C6orf89: variants seen among roughly 807,000 people sequenced by gnomAD.
C6orf89 encodes the protein bombesin receptor-activated protein C6orf89.
Under a neutral mutation model 40.7 loss-of-function variants are expected in C6orf89, and 29 were observed. The ratio of observed to expected loss-of-function variants is 0.71; its 90% CI spans 0.53 to 0.97. C6orf89 has a LOEUF of 0.97. Among genes scored for constraint, C6orf89 ranks in the 50% least tolerant of loss-of-function variants. The pLI, the probability that C6orf89 is intolerant of heterozygous loss-of-function variation, is 0.00. For missense variants in C6orf89, 392 were observed against 429.1 expected (o/e 0.91, Z 0.76); for synonymous variants, 165 against 152.2 (o/e 1.08, Z -0.62).
At chr6:36,879,689 G>C (rs1774751573) in intron 2 of C6orf89, among the ~76,000 whole-genome samples, 1 of 151,988 alleles carries the variant, frequency 6.6e-6, no homozygotes. Context: ...ACGGGCTTAG[G>C]ACCCCACAAG....
chr6:36,884,217 G>A (rs1390098264), upstream of C6orf89, among the ~76,000 whole-genome samples: 2 of 152,164 alleles, frequency 1.3e-5, no homozygotes, highest in African/African-American at 2.4e-5. The surrounding 1 kb of genome is among the most constrained non-coding windows in gnomAD (Gnocchi z 4.0). Context: ...AGCTGAGATC[G>A]CCGCTGCATT....
At chr6:36,913,265 G>A (rs1762189892) in intron 4 of C6orf89, among the ~76,000 whole-genome samples, 1 of 152,196 alleles carries the variant, frequency 6.6e-6, no homozygotes, top group African/African-American at 2.4e-5. Context: ...GTCTGGGTTG[G>A]GGGTCTTCCA....
chr6:36,901,896 C>T (rs972989888), intron 3 of C6orf89, among the ~76,000 whole-genome samples: 2 of 151,974 alleles, frequency 1.3e-5, no homozygotes, highest in Non-Finnish European at 2.9e-5. Context: ...TGGTCTCGAT[C>T]TCCTGACCTC....
exon 2 of C6orf89, chr6:36,879,129 A>G: frequency 6.5e-6 from 1 of 153,144 alleles, no homozygotes; most frequent in Non-Finnish European, 1.5e-5. Context: ...GCTGGGGATC[A>G]CAGGTAAGCT....
At chr6:36,904,874 G>C (rs2150698653) in intron 4 of C6orf89, among the ~76,000 whole-genome samples, 1 of 152,236 alleles carries the variant, frequency 6.6e-6, no homozygotes, top group South Asian at 2.1e-4. Flanking sequence ...TGCAGCCTTG[G>C]TGATGTACAA....
At chr6:36,895,157 A>G (rs1761375134) in intron 2 of C6orf89, among the ~76,000 whole-genome samples, 1 of 152,172 alleles carries the variant, frequency 6.6e-6, no homozygotes, top group South Asian at 2.1e-4. Context: ...GTGCCCAGTG[A>G]TGTTCCTTAG....
intron 1 of C6orf89, chr6:36,872,074 G>C (rs1057484401): frequency 2.3e-6 from 1 of 441,482 alleles, no homozygotes; most frequent in East Asian, 4.1e-5. Flanking sequence ...AAAACACGCA[G>C]GTGTTCTGGG....
At chr6:36,889,547 G>T (rs999971189) in intron 1 of C6orf89, among the ~76,000 whole-genome samples, 1 of 145,172 alleles carries the variant, frequency 6.9e-6, no homozygotes, top group Non-Finnish European at 1.5e-5. Context: ...ACTTCTTCAA[G>T]TATGTCAATG....
chr6:36,878,644 C>G (rs754165462), intron 1 of C6orf89, among the ~76,000 whole-genome samples: 5 of 151,902 alleles, frequency 3.3e-5, no homozygotes, highest in African/African-American at 7.2e-5. Context: ...TGTGGATGAA[C>G]TATAACCTAG....
chr6:36,901,321 A>ATTATTAT (rs1561865504), intron 3 of C6orf89, among the ~76,000 whole-genome samples: 2 of 19,024 alleles, frequency 1.1e-4, no homozygotes, highest in Admixed American at 8.3e-4. Flanking sequence ...TATTATTATT[A>ATTATTAT]TTTTTTTTTT....
Position 36,922,249 on chromosome 6 carries a change from A to C in C6orf89, c.950-1098A>C, listed in dbSNP as rs1347908679. ...CAGCTACTCGGGAGGCTGAGGCAGG[A>C]GAATTGCTTGAACCTGGGAGGTGGA... On this transcript the variant is annotated intron_variant, in intron 8 of 8. Transcript: ENST00000480824. Among the ~76,000 whole-genome samples, 3 of 152,146 alleles carry C rather than the reference A, an allele frequency of 2.0e-5. No individual in the cohort carries two copies. In the East Asian group the frequency reaches 5.8e-4, roughly 29 times the overall value.
At chr6:36,896,297 AG>A (rs1282336352) in intron 2 of C6orf89, among the ~76,000 whole-genome samples, 1 of 152,054 alleles carries the variant, frequency 6.6e-6, no homozygotes, top group Non-Finnish European at 1.5e-5. Flanking sequence ...TAGTAGAGAC[AG>A]GGTTTCACCA....
In C6orf89 at chr6:36,887,670, G is replaced by A. The variant is rs534451644; in HGVS notation, c.-120+1642G>A. Among the ~76,000 whole-genome samples, 8 of 152,288 alleles carry A rather than the reference G, an allele frequency of 5.3e-5. No individual in the cohort carries two copies. The East Asian group carries it at 1.5e-3, about 29-fold the overall frequency. On this transcript the variant is annotated intron_variant, in intron 1 of 8. Transcript: ENST00000480824. ...AGAAGGATTGATGGGAAATGAAACT[G>A]AACAGGTAGGCAGTGACCAGATCAT...
chr6:36,891,951 A>G (rs183488199), intron 1 of C6orf89, among the ~76,000 whole-genome samples: 5 of 152,356 alleles, frequency 3.3e-5, no homozygotes, highest in Non-Finnish European at 7.3e-5. Flanking sequence ...ACTTATCTCT[A>G]TAGAGGAATT....
chr6:36,872,976 A>G (rs901160656), intron 1 of C6orf89, among the ~76,000 whole-genome samples: 5 of 152,200 alleles, frequency 3.3e-5, no homozygotes, highest in Admixed American at 6.5e-5. Context: ...TAAACACTCT[A>G]TAAGTATATG....
At chr6:36,877,241 G>A (rs1234894860) in intron 1 of C6orf89, among the ~76,000 whole-genome samples, 1 of 152,148 alleles carries the variant, frequency 6.6e-6, no homozygotes, top group Non-Finnish European at 1.5e-5. Context: ...ATGAATTTTT[G>A]GGAGTATATA....
intron 7 of C6orf89, among the ~76,000 whole-genome samples, chr6:36,918,199 C>T (rs1457586949): frequency 6.6e-6 from 1 of 152,190 alleles, no homozygotes; most frequent in Non-Finnish European, 1.5e-5. Flanking sequence ...AGGTGAGGGC[C>T]TCCAAGGCCC....
intron 1 of C6orf89, among the ~76,000 whole-genome samples, chr6:36,887,198 T>A (rs751891631): frequency 2.0e-5 from 3 of 151,808 alleles, no homozygotes; most frequent in Non-Finnish European, 2.9e-5. Context: ...CACTGCAAGC[T>A]CCGCCTCCCC....
At position 36,877,461 on chromosome 6, in the gene C6orf89, G is replaced by A. The variant is rs1583130184; in HGVS notation, c.-627-1547G>A. Among the ~76,000 whole-genome samples the A allele has an allele frequency of 4.6e-5, 7 of 152,302 alleles. No homozygotes were observed. The South Asian group carries it at 1.5e-3, about 32-fold the overall frequency. ...TTCTCCTGCCTCAGCCTCCCGAGTA[G>A]CTGGGACTACAGGCGCATGCCACCA... On this transcript the variant is annotated intron_variant, in intron 1 of 9. Coordinates refer to the C6orf89 transcript ENST00000359359.
Sources: allele counts gnomAD v4.1 joint callset (sites outside exome capture counted in the v4.1 genomes callset), GRCh38; gene constraint gnomAD v4.1.1; non-coding constraint Gnocchi (gnomAD v3.1); transcripts MANE v1.5; gene names NCBI Gene and HGNC (gene_info 2026-07-23, HGNC 2026-07-21).